Variants in PPP2R1B observed in about 807,000 individuals in gnomAD.
PPP2R1B encodes protein phosphatase 2 scaffold subunit Abeta, also known as serine/threonine-protein phosphatase 2A 65 kDa regulatory subunit A beta isoform.
Under a neutral mutation model 72.7 loss-of-function variants are expected in PPP2R1B, and 58 were observed. The observed-to-expected ratio is 0.80, with a 90% confidence interval of 0.65 to 0.99. The LOEUF (loss-of-function observed/expected upper bound fraction) is 0.99. Among genes scored for constraint, PPP2R1B ranks in the 50% least tolerant of loss-of-function variants. The pLI, the probability that PPP2R1B is intolerant of heterozygous loss-of-function variation, is 0.00. For missense variants in PPP2R1B, 695 were observed against 733.6 expected (o/e 0.95, Z 0.61); for synonymous variants, 256 against 264.6 (o/e 0.97, Z 0.32).
chr11:111,759,474 A>G (rs1212432023), intron 5 of PPP2R1B, among the ~76,000 whole-genome samples: 1 of 152,208 alleles, frequency 6.6e-6, no homozygotes, highest in Non-Finnish European at 1.5e-5. Context: ...TCCAGGAAAC[A>G]TTACTCCCTC....
downstream of PPP2R1B, chr11:111,724,457 A>C (rs1388911025): frequency 2.5e-5 from 8 of 320,012 alleles, no homozygotes; most frequent in African/African-American, 1.5e-4. Flanking sequence ...GCAGGATTAC[A>C]TCCGTTTATT....
Position 111,754,496 on chromosome 11 carries a change from T to C in PPP2R1B, c.1029+3A>G, listed in dbSNP as rs77320188. The stretch of plus-strand genomic sequence containing the variant: ...GAGTGAAACAAAATAAAGTCAGGTT[T>C]ACCTTTATATAAGGCAGAATTTGAT... On this transcript the variant is annotated splice_donor_region_variant and intron_variant, in intron 8 of 14. Coordinates refer to ENST00000527614, the MANE Select transcript of PPP2R1B (RefSeq NM_002716.5). 2.3e-3 allele frequency: 3,737 copies of C among 1,596,582 alleles called. 75 individuals are homozygous for C. In the African/African-American group the frequency reaches 0.044, roughly 19 times the overall value.
the PPP2R1B span, chr11:111,720,424 G>T: frequency 1.3e-6 from 2 of 1,516,252 alleles, no homozygotes; most frequent in Non-Finnish European, 1.8e-6. Context: ...TGTACCCTAT[G>T]TTCCAAGGAG....
At chr11:111,692,878 T>C in the PPP2R1B span, among the ~76,000 whole-genome samples, 1 of 152,116 alleles carries the variant, frequency 6.6e-6, no homozygotes. Flanking sequence ...ATGAACTGCT[T>C]TAGCCATCTT....
chr11:111,717,157 G>A, the PPP2R1B span, among the ~76,000 whole-genome samples: 2 of 151,466 alleles, frequency 1.3e-5, no homozygotes, highest in Non-Finnish European at 2.9e-5. Flanking sequence ...TACTAAAAAT[G>A]CAAGAAAAAT....
At chr11:111,757,666 T>C (rs1945173783) in intron 5 of PPP2R1B, among the ~76,000 whole-genome samples, 1 of 152,012 alleles carries the variant, frequency 6.6e-6, no homozygotes, top group African/African-American at 2.4e-5. Context: ...AAACCCCATC[T>C]GTACTGAAAA....
chr11:111,703,484 C>A, the PPP2R1B span: 1 of 1,464,718 alleles, frequency 6.8e-7, no homozygotes, highest in Non-Finnish European at 9.5e-7. Context: ...TTCATGCTCA[C>A]ACCTGTCATC....
the PPP2R1B span, chr11:111,712,281 C>G: frequency 6.2e-7 from 1 of 1,614,118 alleles, no homozygotes; most frequent in Admixed American, 1.7e-5. Flanking sequence ...GCCCTCCTCC[C>G]CCAGGCATCC....
At chr11:111,746,907 T>G (rs1944723784) in intron 11 of PPP2R1B, among the ~76,000 whole-genome samples, 2 of 152,138 alleles carry the variant, frequency 1.3e-5, no homozygotes, top group South Asian at 4.1e-4. Flanking sequence ...TTTCACATAT[T>G]TTTTCACATC....
At chr11:111,717,317 C>CAAAAAAAAAAAAA in the PPP2R1B span, among the ~76,000 whole-genome samples, 1 of 49,466 alleles carries the variant, frequency 2.0e-5, no homozygotes, top group African/African-American at 7.3e-5. Flanking sequence ...GACTCCGTCT[C>CAAAAAAAAAAAAA]AAAAAAAAAA....
downstream of PPP2R1B, chr11:111,722,577 A>C: frequency 8.0e-7 from 1 of 1,245,716 alleles, no homozygotes; most frequent in Non-Finnish European, 1.1e-6. The surrounding 1 kb of genome is among the most constrained non-coding windows in gnomAD (Gnocchi z 4.4). Flanking sequence ...ATGCAGTTAG[A>C]TTCATCCTGC....
the PPP2R1B span, among the ~76,000 whole-genome samples, chr11:111,714,952 T>C: frequency 2.0e-5 from 3 of 152,206 alleles, no homozygotes; most frequent in African/African-American, 7.2e-5. Flanking sequence ...AAAATGCAGT[T>C]GACTAAAGGC....
chr11:111,695,401 T>C, the PPP2R1B span, among the ~76,000 whole-genome samples: 2 of 152,242 alleles, frequency 1.3e-5, no homozygotes, highest in Non-Finnish European at 2.9e-5. Flanking sequence ...CAATGTTTTG[T>C]GTGCTTTTTT....
chr11:111,688,725 TATTCTC>T, the PPP2R1B span, among the ~76,000 whole-genome samples: 5 of 152,242 alleles, frequency 3.3e-5, no homozygotes, highest in Admixed American at 3.3e-4. The surrounding 1 kb of genome is among the most constrained non-coding windows in gnomAD (Gnocchi z 4.2). Context: ...TTTTATTTTA[TATTCTC>T]AGTCTCTTTA....
intron 14 of PPP2R1B, 141 bp downstream of exon 14, chr11:111,741,912 A>C: frequency 1.2e-6 from 1 of 846,414 alleles, no homozygotes; most frequent in Non-Finnish European, 2.0e-6. Flanking sequence ...AATCAGAGAG[A>C]CACCAGCATT....
chr11:111,713,511 C>T, the PPP2R1B span, among the ~76,000 whole-genome samples: 6 of 152,122 alleles, frequency 3.9e-5, no homozygotes, highest in Non-Finnish European at 8.8e-5. Flanking sequence ...AGGTTTGGGA[C>T]AGATTATAGA....
At chr11:111,703,268 A>G in the PPP2R1B span, 9 of 1,614,194 alleles carry the variant, frequency 5.6e-6, no homozygotes, top group Admixed American at 8.3e-5. Context: ...CATAGCCCAA[A>G]TCAAGGAGCA....
chr11:111,721,487 A>G, the PPP2R1B span, among the ~76,000 whole-genome samples: 3 of 152,236 alleles, frequency 2.0e-5, no homozygotes, highest in African/African-American at 7.2e-5. Flanking sequence ...CATACTAAAA[A>G]TACAATAAAT....
intron 15 of PPP2R1B, chr11:111,730,206 C>T (rs1174674331): frequency 6.6e-6 from 1 of 152,224 alleles, no homozygotes; most frequent in East Asian, 1.9e-4. Flanking sequence ...AAGTACAAAA[C>T]AACATCCTGG....
Sources: gnomAD v4.1 joint callset for allele counts (sites outside exome capture counted in the v4.1 genomes callset) on GRCh38, gnomAD v4.1.1 for gene constraint, Gnocchi (gnomAD v3.1) non-coding constraint, MANE v1.5 for transcripts, NCBI Gene and HGNC (gene_info 2026-07-23, HGNC 2026-07-21) for gene names.